ELAVL2: variants seen among roughly 807,000 people sequenced by gnomAD.
The protein encoded by ELAVL2 is ELAV like RNA binding protein 2, also known as ELAV-like protein 2.
ELAVL2 carries 4 observed loss-of-function variants against 34.6 expected under a neutral mutation model. The ratio of observed to expected loss-of-function variants is 0.12; its 90% CI spans 0.06 to 0.26. The LOEUF is 0.26. ELAVL2 is among the 10% of genes least tolerant of loss of function. The pLI is 1.00. For missense variants in ELAVL2, 432 were observed against 442.8 expected (o/e 0.98, Z 0.22); for synonymous variants, 193 against 154.8 (o/e 1.25, Z -1.83).
intron 2 of ELAVL2, among the ~76,000 whole-genome samples, chr9:23,746,904 AATC>A (rs1163080446): frequency 1.3e-5 from 2 of 152,114 alleles, no homozygotes; most frequent in Admixed American, 1.3e-4. Context: ...ATAATCAACA[AATC>A]ATTAGTGGAC....
chr9:23,824,541 CAT>C (rs1310088855), intron 1 of ELAVL2, among the ~76,000 whole-genome samples: 1 of 152,150 alleles, frequency 6.6e-6, no homozygotes, highest in African/African-American at 2.4e-5. Context: ...TCGAGCACCA[CAT>C]GAGCGCTCTC....
chr9:23,738,769 GT>G (rs2048471691), intron 2 of ELAVL2, among the ~76,000 whole-genome samples: 2 of 152,144 alleles, frequency 1.3e-5, no homozygotes, highest in Admixed American at 1.3e-4. Flanking sequence ...TGATCATTTG[GT>G]AAATATTACC....
At chr9:23,797,614 A>C (rs751438182) in intron 1 of ELAVL2, among the ~76,000 whole-genome samples, 2 of 152,202 alleles carry the variant, frequency 1.3e-5, no homozygotes, top group Non-Finnish European at 2.9e-5. Flanking sequence ...GGTTTGCCAT[A>C]ATGATATACT....
At chr9:23,757,584 G>C (rs540876653) in intron 2 of ELAVL2, among the ~76,000 whole-genome samples, 1 of 151,686 alleles carries the variant, frequency 6.6e-6, no homozygotes, top group African/African-American at 2.4e-5. Context: ...CTAGAATGCA[G>C]CATCAGCAGG....
the ELAVL2 span, among the ~76,000 whole-genome samples, chr9:23,837,306 G>A: frequency 6.6e-6 from 1 of 152,114 alleles, no homozygotes; most frequent in Non-Finnish European, 1.5e-5. Context: ...GGGAAAGTAC[G>A]CACTGTGGCA....
chr9:23,741,610 C>A (rs1326631445), intron 2 of ELAVL2, among the ~76,000 whole-genome samples: 3 of 152,016 alleles, frequency 2.0e-5, no homozygotes, highest in African/African-American at 7.2e-5. Context: ...TGAAACAAAC[C>A]AGGAACAGAG....
At chr9:23,707,703 C>G (rs2039773604) in intron 3 of ELAVL2, among the ~76,000 whole-genome samples, 1 of 152,172 alleles carries the variant, frequency 6.6e-6, no homozygotes, top group Admixed American at 6.5e-5. Flanking sequence ...AAGCCTATTA[C>G]CACAATTCTA....
the ELAVL2 span, among the ~76,000 whole-genome samples, chr9:23,833,672 C>T: frequency 6.6e-6 from 1 of 151,588 alleles, no homozygotes; most frequent in African/African-American, 2.4e-5. Context: ...TTTCTAAAGG[C>T]ATAGCAATTC....
intron 1 of ELAVL2, among the ~76,000 whole-genome samples, chr9:23,805,972 G>C (rs1392073874): frequency 6.6e-6 from 1 of 151,638 alleles, no homozygotes; most frequent in Non-Finnish European, 1.5e-5. Context: ...TTTTTTTCTG[G>C]GTGGTCCAAG....
intron 4 of ELAVL2, among the ~76,000 whole-genome samples, chr9:23,702,967 A>AC (rs1386551389): frequency 7.0e-6 from 1 of 143,550 alleles, no homozygotes; most frequent in Admixed American, 6.9e-5. Flanking sequence ...AAAAAAAAAA[A>AC]AAAAAAAAAA....
At chr9:23,758,199 G>A (rs2054036142) in intron 2 of ELAVL2, among the ~76,000 whole-genome samples, 1 of 152,000 alleles carries the variant, frequency 6.6e-6, no homozygotes, top group South Asian at 2.1e-4. Flanking sequence ...GCACAAGACG[G>A]GTAATGCTAC....
chr9:23,721,562 A>G (rs1301312621), intron 3 of ELAVL2, among the ~76,000 whole-genome samples: 1 of 152,232 alleles, frequency 6.6e-6, no homozygotes, highest in African/African-American at 2.4e-5. Context: ...AGTTCTTCAC[A>G]GAAGGAAGGG....
intron 3 of ELAVL2, among the ~76,000 whole-genome samples, chr9:23,721,525 T>G (rs1296143073): frequency 2.0e-5 from 3 of 152,120 alleles, no homozygotes; most frequent in Admixed American, 1.3e-4. Context: ...GACTTACACC[T>G]CCAAGTCCTA....
chr9:23,702,951 C>CCAAAAAAAAAAA (rs2037824067), intron 4 of ELAVL2, among the ~76,000 whole-genome samples: 1 of 47,626 alleles, frequency 2.1e-5, no homozygotes, highest in East Asian at 8.8e-4. Context: ...ATCAGATTAG[C>CCAAAAAAAAAAA]AAAAAAAAAA....
chr9:23,738,859 A>G (rs574651991), intron 2 of ELAVL2, among the ~76,000 whole-genome samples: 4 of 152,152 alleles, frequency 2.6e-5, no homozygotes, highest in Admixed American at 2.0e-4. Context: ...TTTAATAGCC[A>G]TATCTGTCCC....
At chr9:23,731,834 A>C (rs1028149667) in intron 2 of ELAVL2, among the ~76,000 whole-genome samples, 2 of 152,144 alleles carry the variant, frequency 1.3e-5, no homozygotes, top group African/African-American at 2.4e-5. Context: ...CAGGAGAAAA[A>C]AAGTCTAGAG....
intron 1 of ELAVL2, among the ~76,000 whole-genome samples, chr9:23,798,638 T>C (rs894223886): frequency 6.6e-6 from 1 of 152,158 alleles, no homozygotes; most frequent in Non-Finnish European, 1.5e-5. Flanking sequence ...TATCAGAATA[T>C]GGATTCTGCC....
chr9:23,812,978 A>C (rs577397486), intron 1 of ELAVL2, among the ~76,000 whole-genome samples: 2 of 152,124 alleles, frequency 1.3e-5, no homozygotes, highest in African/African-American at 4.8e-5. Flanking sequence ...ACAGATCTTC[A>C]TATCTATTTA....
At position 23,777,002 on chromosome 9, in the gene ELAVL2, T is replaced by C. The variant is rs759360560; in HGVS notation, c.-15-14753A>G. 1.2e-4 allele frequency among the ~76,000 whole-genome samples: 18 copies of C among 152,166 alleles called. 1 individual carries two copies. The highest frequency in any genetic ancestry group is 9.2e-4 in the Admixed American group (14 of 15,284). ...CCTGATTTAGAATTGCTCAGAGAGTTTTCCAGGTACCCATTTCCTGTTACA... is the reference window on the plus strand; with the variant it reads ...CCTGATTTAGAATTGCTCAGAGAGTCTTCCAGGTACCCATTTCCTGTTACA... On this transcript the variant is annotated intron_variant, in intron 1 of 6. Transcript: ENST00000397312.
Sources: gnomAD v4.1 joint callset for allele counts (sites outside exome capture counted in the v4.1 genomes callset) on GRCh38, gnomAD v4.1.1 for gene constraint, MANE v1.5 for transcripts, NCBI Gene and HGNC (gene_info 2026-07-23, HGNC 2026-07-21) for gene names.